Variants in SERPINE2 observed in about 807,000 individuals in gnomAD.
SERPINE2 encodes the protein glia-derived nexin.
SERPINE2 carries 14 observed loss-of-function variants against 36.3 expected under a neutral mutation model. That is an observed-to-expected ratio of 0.39 (90% CI 0.25 to 0.60). The LOEUF is 0.60. SERPINE2 is among the 20% of genes least tolerant of loss of function. The pLI, the probability that SERPINE2 is intolerant of heterozygous loss-of-function variation, is 0.57. For synonymous variants in SERPINE2, 192 were observed against 191.8 expected (o/e 1.00, Z -0.01); for missense variants, 418 against 499.6 (o/e 0.84, Z 1.56).
chr2:224,026,513 C>G lies in SERPINE2; in HGVS notation c.-23+12586G>C, dbSNP rs1419150469. ...ATTTGCCTTCCCCATCTGTTCTCAG[C>G]CAGTCACTCATGGATCTCATCTATC... On this transcript the variant is annotated intron_variant, in intron 1 of 8. Transcript: ENST00000409304. Among the ~76,000 whole-genome samples the G allele has an allele frequency of 2.0e-5, 3 of 152,288 alleles. No individual in the cohort carries two copies. In the East Asian group the frequency reaches 5.8e-4, roughly 29 times the overall value.
At chr2:223,995,927 C>T (rs1690870688) in intron 3 of SERPINE2, among the ~76,000 whole-genome samples, 2 of 152,170 alleles carry the variant, frequency 1.3e-5, no homozygotes, top group Admixed American at 1.3e-4. Context: ...TACATATATA[C>T]ATTTCTTTTG....
At chr2:224,015,135 C>A (rs1019178501) in intron 1 of SERPINE2, among the ~76,000 whole-genome samples, 3 of 152,194 alleles carry the variant, frequency 2.0e-5, no homozygotes, top group Admixed American at 6.5e-5. Context: ...CACAAGACAG[C>A]CGCCTGCAAC....
intron 4 of SERPINE2, among the ~76,000 whole-genome samples, chr2:223,986,345 G>A (rs182448078): frequency 6.6e-6 from 1 of 152,218 alleles, no homozygotes; most frequent in African/African-American, 2.4e-5. Flanking sequence ...GGTGCAGCTC[G>A]CCTCAGCTCC....
rs530221176 is a variant in SERPINE2, at chr2:223,999,043, G to A, written c.260-701C>T. Among the ~76,000 whole-genome samples the A allele has an allele frequency of 3.3e-5, 5 of 152,252 alleles. No individual in the cohort carries two copies. In the South Asian group the frequency reaches 8.3e-4, roughly 25 times the overall value. ...ATGCTTTCTCTCTTTCTTGTCTAAC[G>A]TTATTAAGTGCTACTTCCTTTCTTG... On this transcript the variant is annotated intron_variant, in intron 2 of 8. Coordinates refer to ENST00000409304, the MANE Select transcript of SERPINE2 (RefSeq NM_001136528.2).
intron 1 of SERPINE2, chr2:224,010,277 T>A (rs1691578212): frequency 1.2e-6 from 1 of 852,568 alleles, no homozygotes; most frequent in African/African-American, 1.8e-5. Context: ...GCCTTCAAAG[T>A]GTATGCTCAT....
At chr2:223,996,912 TC>T (rs1259749150) in intron 3 of SERPINE2, among the ~76,000 whole-genome samples, 34 of 151,984 alleles carry the variant, frequency 2.2e-4, no homozygotes, top group African/African-American at 7.2e-4. Flanking sequence ...CCCCACCTCT[TC>T]AAAAAATAAA....
rs766836069 is a variant in SERPINE2 at position 223,991,815 on chromosome 2, C to T, written c.673G>A (p.Val225Met). 24 of 1,613,802 alleles carry T rather than the reference C, an allele frequency of 1.5e-5. No individual in the cohort carries two copies. Among genetic ancestry groups the T allele is most frequent in the African/African-American group, 4.0e-5 (3 of 74,908 alleles). Residue 225 changes from valine to methionine, a missense_variant, in exon 4 of 9, where the codon GTG (valine) becomes ATG (methionine). Transcript: ENST00000409304. ...AGCATGAACTCACCACACCGGAACA[C>T]GGAGAGCTGGGCCAGCATTGGCACT... ...YQVPMLAQLS[V>M]FRCGSTSAPN...
At chr2:224,025,555 T>C (rs564056372) in intron 1 of SERPINE2, among the ~76,000 whole-genome samples, 1 of 152,344 alleles carries the variant, frequency 6.6e-6, no homozygotes, top group African/African-American at 2.4e-5. Context: ...TGAAATCACA[T>C]ACCCTATGAG....
At chr2:224,020,250 T>C (rs1306544934) in intron 1 of SERPINE2, among the ~76,000 whole-genome samples, 1 of 152,200 alleles carries the variant, frequency 6.6e-6, no homozygotes, top group African/African-American at 2.4e-5. Flanking sequence ...CCTGCATCAG[T>C]ATTCCAGGTG....
chr2:224,022,634 A>C (rs964167535), intron 1 of SERPINE2, among the ~76,000 whole-genome samples: 1 of 152,184 alleles, frequency 6.6e-6, no homozygotes, highest in African/African-American at 2.4e-5. Context: ...TGAACCACTA[A>C]ACCTCTTGTG....
Position 224,004,752 on chromosome 2 carries a change from C to T in SERPINE2, c.-22-2830G>A, listed in dbSNP as rs576346224. On this transcript the variant is annotated intron_variant, in intron 1 of 8. Coordinates refer to ENST00000409304, the MANE Select transcript of SERPINE2 (RefSeq NM_001136528.2). ...GTATAAAACATTGTGTACAATCTTT[C>T]TTACAAATGGCCAAATGCAGTGACC... is the stretch of plus-strand genomic sequence containing the variant. Among the ~76,000 whole-genome samples the T allele has an allele frequency of 8.6e-5, 13 of 151,956 alleles. No individual in the cohort carries two copies. The East Asian group carries it at 2.5e-3, about 29-fold the overall frequency.
intron 6 of SERPINE2, chr2:223,982,084 G>A (rs1298823062): frequency 6.7e-6 from 1 of 149,616 alleles, no homozygotes; most frequent in Non-Finnish European, 1.5e-5. Context: ...AAGGTCAAGA[G>A]CAATGACTAG....
Position 224,000,496 on chromosome 2 carries a change from G to T in SERPINE2, c.259+1146C>A, listed in dbSNP as rs77024316. Among the ~76,000 whole-genome samples, 459 of 151,652 alleles carry T rather than the reference G, an allele frequency of 3.0e-3. 2 individuals carry two copies. The highest frequency in any genetic ancestry group is 0.011 in the African/African-American group (440 of 41,334). On this transcript the variant is annotated intron_variant, in intron 2 of 8. Transcript: ENST00000409304. The stretch of plus-strand genomic sequence containing the variant: ...TACTTTAAAACAATTTTTTTAGCTC[G>T]CTCTCTCTCTCTACGTATCTATCTA...
intron 1 of SERPINE2, 60 bp from the exon 2 acceptor site, chr2:224,001,982 T>C: frequency 2.8e-6 from 4 of 1,422,960 alleles, no homozygotes; most frequent in Non-Finnish European, 3.7e-6. Context: ...TACTACTTTT[T>C]TTTTTTTTCC....
chr2:224,013,387 G>A (rs1024964486), intron 1 of SERPINE2, among the ~76,000 whole-genome samples: 5 of 152,138 alleles, frequency 3.3e-5, no homozygotes, highest in Admixed American at 2.6e-4. Context: ...TGGCCTTTCT[G>A]GGGTGACTTG....
At chr2:224,037,584 T>C (rs1192191132) in intron 1 of SERPINE2, among the ~76,000 whole-genome samples, 1 of 152,148 alleles carries the variant, frequency 6.6e-6, no homozygotes, top group Non-Finnish European at 1.5e-5. Flanking sequence ...AAAGTCCCCA[T>C]GCGATGGGAA....
intron 1 of SERPINE2, among the ~76,000 whole-genome samples, chr2:224,029,791 G>A (rs1038452598): frequency 3.3e-5 from 5 of 152,132 alleles, no homozygotes; most frequent in Admixed American, 6.5e-5. Flanking sequence ...TTCCGCCTCC[G>A]GGGTTCAAGT....
chr2:224,010,480 T>G (rs1055829449), intron 1 of SERPINE2: 2 of 570,964 alleles, frequency 3.5e-6, no homozygotes, highest in Admixed American at 1.3e-4. Flanking sequence ...CTCTTTGGGT[T>G]GATGGGAAAA....
chr2:224,031,439 G>A (rs937014679), intron 1 of SERPINE2: 14 of 985,694 alleles, frequency 1.4e-5, no homozygotes, highest in Non-Finnish European at 1.6e-5. Context: ...ACGCCAGGCA[G>A]CACGGTCCTC....
Sources: allele counts gnomAD v4.1 joint callset (sites outside exome capture counted in the v4.1 genomes callset), GRCh38; gene constraint gnomAD v4.1.1; transcripts MANE v1.5; gene names NCBI Gene and HGNC (gene_info 2026-07-23, HGNC 2026-07-21).